The following TP63 variants were observed in gnomAD, a reference collection of about 807,000 sequenced individuals.
The protein encoded by TP63 is tumor protein 63.
Under a neutral mutation model 82.8 loss-of-function variants are expected in TP63, and 17 were observed. The observed-to-expected ratio is 0.21, with a 90% CI of 0.14 to 0.31. The LOEUF is 0.31. TP63 is among the 10% of genes least tolerant of loss of function. The pLI is 1.00. For synonymous variants in TP63, 330 were observed against 321.7 expected, an observed-to-expected ratio of 1.03 and a Z score of -0.28; for missense variants, 648 against 895.3, an observed-to-expected ratio of 0.72 and a Z score of 3.52.
intron 4 of TP63, among the ~76,000 whole-genome samples, chr3:189,850,438 C>T (rs2108764187): frequency 6.6e-6 from 1 of 152,256 alleles, no homozygotes; most frequent in Admixed American, 6.5e-5. Flanking sequence ...GCAAAAAGTA[C>T]TCCTCCATTC....
intron 3 of TP63, among the ~76,000 whole-genome samples, chr3:189,740,874 A>G (rs1720932651): frequency 6.6e-6 from 1 of 152,158 alleles, no homozygotes; most frequent in Non-Finnish European, 1.5e-5. Context: ...CCTTGAGGAT[A>G]CCATTCACAT....
chr3:189,708,774 TA>T (rs1229688015), intron 1 of TP63, among the ~76,000 whole-genome samples: 5 of 152,116 alleles, frequency 3.3e-5, no homozygotes, highest in Admixed American at 3.3e-4. Context: ...CCTAAACTGC[TA>T]AAAAAAATAA....
intron 4 of TP63, among the ~76,000 whole-genome samples, chr3:189,849,604 C>T (rs1241033662): frequency 6.6e-6 from 1 of 151,862 alleles, no homozygotes; most frequent in African/African-American, 2.4e-5. Flanking sequence ...CTAAATAGAC[C>T]CCCATGTTTT....
At position 189,894,319 on chromosome 3, in the gene TP63, A is replaced by G. The variant is rs1322642472; in HGVS notation, c.1860A>G (p.Pro620=). 1.9e-6 allele frequency: 3 copies of G among 1,613,644 alleles called. No individual in the cohort carries two copies. The African/African-American group carries it at 4.0e-5, about 22-fold the overall frequency. The part of the protein sequence containing the change: ...FSSPSHLLRT[P]SSASTVSVGS... ...CCCCTTCTCATCTCCTGCGGACCCC[A>G]AGCAGTGCCTCTACAGTCAGTGTGG... The change falls in exon 14 of 14, where the codon CCA becomes CCG. Residue 620 remains proline, a synonymous_variant. Transcript: ENST00000264731.
intron 4 of TP63, among the ~76,000 whole-genome samples, chr3:189,860,265 T>A (rs957409343): frequency 6.6e-6 from 1 of 152,216 alleles, no homozygotes; most frequent in African/African-American, 2.4e-5. Flanking sequence ...AAGCCATGTG[T>A]GTTCAAATTT....
chr3:189,875,597 T>TAC (rs1560289030), intron 10 of TP63, among the ~76,000 whole-genome samples: 1 of 34,726 alleles, frequency 2.9e-5, no homozygotes, highest in Admixed American at 2.4e-4. Context: ...TACATACATA[T>TAC]ATATATATAT....
intron 4 of TP63, among the ~76,000 whole-genome samples, chr3:189,829,077 T>C (rs1711891541): frequency 6.6e-6 from 1 of 152,186 alleles, no homozygotes. Context: ...ATAAATTTAT[T>C]ACAGATGATA....
chr3:189,648,709 A>G (rs1220373496), intron 1 of TP63, among the ~76,000 whole-genome samples: 5 of 147,212 alleles, frequency 3.4e-5, no homozygotes, highest in Non-Finnish European at 7.4e-5. Context: ...AGAATGTCAC[A>G]CTCAGAATTC....
chr3:189,833,172 C>T (rs977431595), intron 4 of TP63, among the ~76,000 whole-genome samples: 4 of 152,168 alleles, frequency 2.6e-5, no homozygotes, highest in Non-Finnish European at 5.9e-5. Flanking sequence ...TTATTCATTA[C>T]TTAATTTTGC....
At chr3:189,849,766 G>A (rs184440826) in intron 4 of TP63, among the ~76,000 whole-genome samples, 36 of 151,990 alleles carry the variant, frequency 2.4e-4, no homozygotes, top group Admixed American at 2.1e-3. Context: ...CATGAAGCGC[G>A]TGCTCAATAA....
Position 189,886,668 on chromosome 3 carries a change from G to T in TP63, c.1507+117G>T, listed in dbSNP as rs909305415. 1.3e-4 allele frequency: 183 copies of T among 1,435,582 alleles called. 2 individuals are homozygous for T. The South Asian group carries it at 1.5e-3, about 12-fold the overall frequency. The allele number at this position is 1,435,582 out of a possible 1,614,324, so 88.9% of individuals were successfully genotyped here. A position where few individuals can be genotyped will look rare whatever the true frequency, so the allele number is the denominator to read the frequency against. On this transcript the variant is annotated intron_variant, in intron 11 of 13. Coordinates refer to ENST00000264731, the MANE Select transcript of TP63 (RefSeq NM_003722.5). ...ATGAGAGACACAGTGGGACAGATCA[G>T]ATCAAAGTGGAGTGGCTTGGGTTTC...
chr3:189,636,870 AGGC>A (rs1420483897), intron 1 of TP63, among the ~76,000 whole-genome samples: 4 of 152,194 alleles, frequency 2.6e-5, no homozygotes, highest in Non-Finnish European at 5.9e-5. Flanking sequence ...AAAATATAGC[AGGC>A]TTACTGAGCA....
At chr3:189,859,327 A>AT (rs939263662) in intron 4 of TP63, among the ~76,000 whole-genome samples, 9 of 152,140 alleles carry the variant, frequency 5.9e-5, no homozygotes, top group South Asian at 4.1e-4. Flanking sequence ...CTGTATTACA[A>AT]TTTTTTTAAC....
At chr3:189,823,182 G>A (rs1213464635) in intron 4 of TP63, among the ~76,000 whole-genome samples, 2 of 152,138 alleles carry the variant, frequency 1.3e-5, no homozygotes, top group Admixed American at 6.5e-5. Context: ...CACACAGCAA[G>A]CCTTCTGTGC....
In TP63 at chr3:189,647,649, A is replaced by G. The variant is rs796945321; in HGVS notation, c.62+16072A>G. ...TCCCTTTTTTCAGTTACGTCATGCTATAAGATACGCAAGCTGTCTGGTCAT... is the reference window on the plus strand; with the variant it reads ...TCCCTTTTTTCAGTTACGTCATGCTGTAAGATACGCAAGCTGTCTGGTCAT... On this transcript the variant is annotated intron_variant, in intron 1 of 13. Transcript: ENST00000264731. 1.7e-4 allele frequency among the ~76,000 whole-genome samples: 25 copies of G among 146,866 alleles called. 2 individuals are homozygous for G. Among genetic ancestry groups the G allele is most frequent in the African/African-American group, 5.9e-4 (23 of 39,224 alleles).
intron 1 of TP63, among the ~76,000 whole-genome samples, chr3:189,684,606 A>G (rs6790659): frequency 0.34 from 50,642 of 150,630 alleles, 9,100 homozygotes; most frequent in African/African-American, 0.47. Context: ...GAATTGATCT[A>G]TGCATTTCTT....
chr3:189,723,346 G>T (rs2108772725), intron 1 of TP63, among the ~76,000 whole-genome samples: 1 of 152,278 alleles, frequency 6.6e-6, no homozygotes, highest in Non-Finnish European at 1.5e-5. Flanking sequence ...GTTACCATGT[G>T]AGTTTGAGCA....
chr3:189,796,178 T>C (rs1725679324), intron 3 of TP63, among the ~76,000 whole-genome samples: 1 of 151,928 alleles, frequency 6.6e-6, no homozygotes, highest in East Asian at 1.9e-4. Flanking sequence ...AATATGAATA[T>C]CCCATTTAAA....
At chr3:189,679,449 C>A (rs1047944964) in intron 1 of TP63, among the ~76,000 whole-genome samples, 1 of 152,040 alleles carries the variant, frequency 6.6e-6, no homozygotes. Context: ...AATGTCTTTT[C>A]AGGTTCTTTG....
Sources: allele counts gnomAD v4.1 joint callset (sites outside exome capture counted in the v4.1 genomes callset), GRCh38; gene constraint gnomAD v4.1.1; transcripts MANE v1.5; gene names NCBI Gene and HGNC (gene_info 2026-07-23, HGNC 2026-07-21).